The following DNAJB11 variants were observed in gnomAD, a reference collection of about 807,000 sequenced individuals.
DNAJB11 encodes the protein dnaJ homolog subfamily B member 11.
DNAJB11 carries 30 observed loss-of-function variants against 47.2 expected under a neutral mutation model. That is an observed-to-expected ratio of 0.64 (90% CI 0.48 to 0.86). The LOEUF is 0.86. DNAJB11 is among the 40% of genes least tolerant of loss of function. The pLI is 0.00. For synonymous variants in DNAJB11, 151 were observed against 159.9 expected (o/e 0.94, Z 0.42); for missense variants, 357 against 440.2 (o/e 0.81, Z 1.69).
rs373431036 is a variant in DNAJB11, at chr3:186,570,920, C to T, written c.23C>T (p.Thr8Ile). MAPQNLSTFCLLLLYLIG... is the reference protein window; with the variant it reads MAPQNLSIFCLLLLYLIG... Reference sequence around the variant, plus strand: ...ACCATGGCTCCGCAGAACCTGAGCACCTTTTGCCTGTTGCTGCTATACCTC... The same window carrying T: ...ACCATGGCTCCGCAGAACCTGAGCATCTTTTGCCTGTTGCTGCTATACCTC... The change falls in exon 1 of 10, where the codon ACC becomes ATC. Residue 8 changes from threonine (T) to isoleucine (I), a missense_variant. Thr to Ile is a moderately conservative substitution (Grantham distance 89). Transcript: ENST00000265028. 1.7e-5 allele frequency: 27 copies of T among 1,604,578 alleles called. No individual in the cohort carries two copies. The African/African-American group carries it at 3.0e-4, about 18-fold the overall frequency.
chr3:186,574,759 T>C (rs1317295532), intron 2 of DNAJB11, among the ~76,000 whole-genome samples: 1 of 152,232 alleles, frequency 6.6e-6, no homozygotes, highest in Non-Finnish European at 1.5e-5. Context: ...AAATGTGTCC[T>C]GTGTGAATAT....
At chr3:186,572,310 A>C in intron 2 of DNAJB11, 59 bp downstream of exon 2, 1 of 1,444,316 alleles carries the variant, frequency 6.9e-7, no homozygotes, top group Non-Finnish European at 9.5e-7. Context: ...AAAAACATAC[A>C]ATACAGAGAA....
intron 2 of DNAJB11, among the ~76,000 whole-genome samples, chr3:186,574,413 AAGATC>A (rs1715192034): frequency 6.6e-6 from 1 of 152,068 alleles, no homozygotes; most frequent in Non-Finnish European, 1.5e-5. Context: ...TTTATTTGTG[AAGATC>A]AGATCAGAGA....
At chr3:186,581,660 T>C in intron 5 of DNAJB11, 147 bp downstream of exon 5, 1 of 966,738 alleles carries the variant, frequency 1.0e-6, no homozygotes, top group Middle Eastern at 2.9e-4. Context: ...CAATGTACAT[T>C]TTTTTCTGAA....
Position 186,570,942 on chromosome 3 carries a change from C to A in DNAJB11, c.45C>A (p.Tyr15Ter). Residue 15 changes from tyrosine (Y) to a stop codon, truncating the protein, a stop_gained, in exon 1 of 10, where the codon TAC becomes TAA. Transcript: ENST00000265028. LOFTEE classifies it high-confidence loss of function. Reference sequence around the variant, plus strand: ...GCACCTTTTGCCTGTTGCTGCTATACCTCATCGGGGCGGTGATTGCCGGGT... The same window carrying A: ...GCACCTTTTGCCTGTTGCTGCTATAACTCATCGGGGCGGTGATTGCCGGGT... ...NLSTFCLLLL[Y>*]LIGAVIAGRD... 6.3e-7 allele frequency: 1 copy of A among 1,599,974 alleles called. No individual in the cohort carries two copies. The highest frequency in any genetic ancestry group is 8.5e-7 in the Non-Finnish European group (1 of 1,173,480).
intron 4 of DNAJB11, 183 bp from the exon 5 acceptor site, chr3:186,581,188 A>C (rs1715471201): frequency 5.3e-6 from 3 of 566,616 alleles, no homozygotes; most frequent in Non-Finnish European, 9.1e-6. Context: ...TGTTTGCTTC[A>C]TTCCTGTTTG....
At chr3:186,572,316 G>T in intron 2 of DNAJB11, 65 bp downstream of exon 2, 1 of 1,384,126 alleles carries the variant, frequency 7.2e-7, no homozygotes, top group South Asian at 1.3e-5. Context: ...ATACAATACA[G>T]AGAAACACTC....
chr3:186,575,356 C>G (rs577637488), intron 2 of DNAJB11, among the ~76,000 whole-genome samples: 7 of 59,920 alleles, frequency 1.2e-4, no homozygotes, highest in Admixed American at 6.0e-4. Context: ...CTAATACATG[C>G]GCGCGCGCGC....
intron 4 of DNAJB11, chr3:186,579,522 A>T (rs1045435748): frequency 2.0e-5 from 3 of 152,116 alleles, no homozygotes; most frequent in Non-Finnish European, 4.4e-5. Flanking sequence ...GGTCTGTCTA[A>T]TCTTTTTTTA....
At position 186,570,772 on chromosome 3, in the gene DNAJB11, A is replaced by G. The variant is rs1180322024; in HGVS notation, c.-126A>G. ...GGGGGCTAGCTAGCTGTCTCTGCGG[A>G]CCAAGGAGACCCCCGCGCCCCCCCG... On this transcript the variant is annotated 5_prime_UTR_variant, in exon 1 of 10. Transcript: ENST00000265028. 1 of 822,106 alleles carries G rather than the reference A, an allele frequency of 1.2e-6. No homozygotes were observed. The highest frequency in any genetic ancestry group is 2.8e-5 in the East Asian group (1 of 35,366). 50.9% of individuals were successfully genotyped at this position (822,106 alleles called of 1,614,324 possible).
At chr3:186,572,872 T>C (rs764248482) in intron 2 of DNAJB11, among the ~76,000 whole-genome samples, 4 of 152,246 alleles carry the variant, frequency 2.6e-5, no homozygotes, top group Non-Finnish European at 4.4e-5. Context: ...AGTATGTTCC[T>C]GGATGATTTA....
intron 3 of DNAJB11, among the ~76,000 whole-genome samples, chr3:186,576,431 A>G (rs980120286): frequency 2.6e-5 from 4 of 152,202 alleles, no homozygotes; most frequent in Non-Finnish European, 1.5e-5. Flanking sequence ...TTGGAATAAT[A>G]AACACTTTCT....
At chr3:186,576,039 A>G (rs1715280537) in intron 3 of DNAJB11, 102 bp downstream of exon 3, 1 of 746,934 alleles carries the variant, frequency 1.3e-6, no homozygotes, top group Non-Finnish European at 2.2e-6. Flanking sequence ...TTTGATGAAC[A>G]GTACAATTTA....
intron 4 of DNAJB11, chr3:186,579,813 A>C (rs1013101314): frequency 1.3e-5 from 2 of 152,148 alleles, no homozygotes; most frequent in Non-Finnish European, 2.9e-5. Flanking sequence ...ACAGCCCTCT[A>C]TCTGTGGGAT....
At chr3:186,585,251 C>T (rs1444432776) in intron 9 of DNAJB11, 93 bp from the exon 10 acceptor site, 2 of 953,702 alleles carry the variant, frequency 2.1e-6, no homozygotes, top group African/African-American at 1.7e-5. Flanking sequence ...TGTCATAAGG[C>T]CTTTTATGAG....
At chr3:186,582,585 G>C in intron 6 of DNAJB11, 131 bp from the exon 7 acceptor site, 1 of 716,696 alleles carries the variant, frequency 1.4e-6, no homozygotes, top group Non-Finnish European at 2.5e-6. Context: ...CAACCAGGCA[G>C]AGACACTGCC....
At chr3:186,571,366 A>G (rs1715047432) in intron 1 of DNAJB11, among the ~76,000 whole-genome samples, 1 of 152,060 alleles carries the variant, frequency 6.6e-6, no homozygotes, top group Non-Finnish European at 1.5e-5. Flanking sequence ...GGTTGAGGGG[A>G]TGGACGTTTG....
intron 4 of DNAJB11, 74 bp from the exon 5 acceptor site, chr3:186,581,297 A>G: frequency 6.4e-7 from 1 of 1,551,168 alleles, no homozygotes; most frequent in Non-Finnish European, 8.8e-7. Context: ...ATATGTGCAG[A>G]GCCTTGATCA....
At position 186,584,604 on chromosome 3, in the gene DNAJB11, TG is replaced by T. The variant is rs767584463; in HGVS notation, c.1012+16del. On this transcript the variant is annotated intron_variant, in intron 9 of 9. Transcript: ENST00000265028. ...AGCGAGAGAAGGTATGGCATATTAG[TG>T]TGTGTGTGTGTGTGTGTTTGTGTGT... 9 of 1,499,952 alleles carry T rather than the reference TG, an allele frequency of 6.0e-6. No individual in the cohort carries two copies. The highest frequency in any genetic ancestry group is 1.9e-4 in the Middle Eastern group (1 of 5,346). The allele number at this position is 1,499,952 out of a possible 1,614,324, so 92.9% of individuals were successfully genotyped here.
Sources: allele counts gnomAD v4.1 joint callset (sites outside exome capture counted in the v4.1 genomes callset), GRCh38; gene constraint gnomAD v4.1.1; transcripts MANE v1.5; gene names NCBI Gene and HGNC (gene_info 2026-07-23, HGNC 2026-07-21).